Variants in GSDMC observed in about 807,000 individuals in gnomAD.
GSDMC encodes the protein gasdermin-C.
A neutral mutation model predicts 58.0 loss-of-function variants in GSDMC; 59 were observed. The observed-to-expected ratio is 1.02, with a 90% confidence interval of 0.82 to 1.26. The LOEUF is 1.26. GSDMC is among the 50% of genes most tolerant of loss of function. GSDMC has a pLI of 0.00. For synonymous variants in GSDMC, 241 were observed against 220.2 expected, an observed-to-expected ratio of 1.09 and a Z score of -0.83; for missense variants, 659 against 598.5, an observed-to-expected ratio of 1.10 and a Z score of -1.06.
chr8:129,756,106 A>G (rs7821985), intron 6 of GSDMC, among the ~76,000 whole-genome samples: 98,358 of 150,156 alleles, frequency 0.66, 34,236 homozygotes, highest in African/African-American at 0.9. Flanking sequence ...TTACCTACAA[A>G]AAACACACTT....
At chr8:129,751,738 C>G in intron 9 of GSDMC, 124 bp downstream of exon 9, 1 of 1,177,916 alleles carries the variant, frequency 8.5e-7, no homozygotes, top group Non-Finnish European at 1.3e-6. Context: ...CTTCCCATTC[C>G]ACATGACCAA....
chr8:129,748,699 G>A lies in GSDMC; in HGVS notation c.1329C>T (p.Ser443=). ...ILEPNFRYPW[S]IPFTLKPELL... is the part of the protein sequence containing the mutation. Reference sequence around the variant, plus strand: ...GCTCAGGTTTGAGGGTGAAGGGAATGCTCCAGGGGTATCTGAAGTTTGGCT... The same window carrying A: ...GCTCAGGTTTGAGGGTGAAGGGAATACTCCAGGGGTATCTGAAGTTTGGCT... Residue 443 remains serine, a synonymous_variant, in exon 14 of 14, where the codon AGC becomes AGT. Coordinates refer to ENST00000276708, the MANE Select transcript of GSDMC (RefSeq NM_031415.3). 6.4e-7 allele frequency: 1 copy of A among 1,563,252 alleles called. No individual in the cohort carries two copies. Among genetic ancestry groups the A allele is most frequent in the Non-Finnish European group, 8.6e-7 (1 of 1,156,842 alleles).
At chr8:129,747,829 C>G (rs903545591), downstream of GSDMC, among the ~76,000 whole-genome samples, 1 of 151,970 alleles carries the variant, frequency 6.6e-6, no homozygotes. Flanking sequence ...AAGGTGGACT[C>G]CCAGGTTTCA....
intron 3 of GSDMC, among the ~76,000 whole-genome samples, chr8:129,773,967 T>C (rs1279229917): frequency 6.6e-6 from 1 of 152,088 alleles, no homozygotes; most frequent in Non-Finnish European, 1.5e-5. Flanking sequence ...GAATTAATAT[T>C]ATTAAAATGT....
At chr8:129,757,261 T>C (rs185532713) in intron 6 of GSDMC, among the ~76,000 whole-genome samples, 29 of 152,026 alleles carry the variant, frequency 1.9e-4, no homozygotes, top group African/African-American at 7.0e-4. Context: ...CATTAGTGGC[T>C]ACTATGAACA....
intron 1 of GSDMC, among the ~76,000 whole-genome samples, chr8:129,783,542 A>C (rs147825658): frequency 1.3e-5 from 2 of 152,082 alleles, no homozygotes; most frequent in African/African-American, 4.8e-5. Context: ...CTGAAGAAGT[A>C]AAAAATCTCT....
intron 4 of GSDMC, among the ~76,000 whole-genome samples, 154 bp downstream of exon 4, chr8:129,765,474 C>A (rs2033821517): frequency 6.6e-6 from 1 of 152,134 alleles, no homozygotes; most frequent in African/African-American, 2.4e-5. Flanking sequence ...GATCAGAAGT[C>A]AGGATACATC....
At chr8:129,751,189 C>G (rs1015587461) in intron 10 of GSDMC, among the ~76,000 whole-genome samples, 1 of 152,070 alleles carries the variant, frequency 6.6e-6, no homozygotes, top group Non-Finnish European at 1.5e-5. Flanking sequence ...GCAATTTTGC[C>G]AGTATCCTCA....
intron 1 of GSDMC, among the ~76,000 whole-genome samples, chr8:129,779,134 A>T (rs1440128506): frequency 6.6e-6 from 1 of 152,250 alleles, no homozygotes; most frequent in African/African-American, 2.4e-5. Flanking sequence ...AACAGATATC[A>T]TTTTATAATA....
At chr8:129,766,099 A>AG in intron 3 of GSDMC, among the ~76,000 whole-genome samples, 1 of 152,290 alleles carries the variant, frequency 6.6e-6, no homozygotes, top group Non-Finnish European at 1.5e-5. Flanking sequence ...AGGGTCTCTC[A>AG]GAAAAAAAAG....
At chr8:129,765,482 A>G in intron 4 of GSDMC, 146 bp downstream of exon 4, 1 of 689,282 alleles carries the variant, frequency 1.5e-6, no homozygotes, top group Non-Finnish European at 2.6e-6. Context: ...GTCAGGATAC[A>G]TCAACATGTA....
the GSDMC span, among the ~76,000 whole-genome samples, chr8:129,713,574 C>T: frequency 1.3e-5 from 2 of 152,144 alleles, no homozygotes; most frequent in Non-Finnish European, 2.9e-5. Context: ...CACCCAAGGC[C>T]ATTAAATACC....
At chr8:129,727,157 A>G in the GSDMC span, among the ~76,000 whole-genome samples, 2 of 152,228 alleles carry the variant, frequency 1.3e-5, no homozygotes, top group African/African-American at 4.8e-5. Flanking sequence ...TTAGCTAAAA[A>G]GAAGTCATGC....
chr8:129,738,762 A>G, the GSDMC span, among the ~76,000 whole-genome samples: 1 of 152,142 alleles, frequency 6.6e-6, no homozygotes, highest in Non-Finnish European at 1.5e-5. Context: ...TATGTAACAA[A>G]CCTGCACGTT....
chr8:129,772,696 AAAG>A (rs1292440867), intron 3 of GSDMC, among the ~76,000 whole-genome samples: 1 of 152,232 alleles, frequency 6.6e-6, no homozygotes, highest in African/African-American at 2.4e-5. Context: ...CTAAACATTT[AAAG>A]AAGGTTAATA....
At position 129,774,278 on chromosome 8, in the gene GSDMC, G is replaced by A. The variant is rs188378790; in HGVS notation, c.404+1824C>T. ...TATGATCAACTAATATCTGACAAGC[G>A]TGACAAGAAAAGACAGTGAGATAAA... On this transcript the variant is annotated intron_variant, in intron 3 of 13. Coordinates refer to ENST00000276708, the MANE Select transcript of GSDMC (RefSeq NM_031415.3). Among the ~76,000 whole-genome samples, 340 of 152,198 alleles carry A rather than the reference G, an allele frequency of 2.2e-3. 1 individual carries two copies. Among genetic ancestry groups the A allele is most frequent in the African/African-American group, 7.3e-3 (305 of 41,552 alleles).
rs115142760 is a variant in GSDMC at position 129,777,400 on chromosome 8, T to A, written c.188A>T (p.Asn63Ile). 1.2e-6 allele frequency: 2 copies of A among 1,613,344 alleles called. No individual in the cohort carries two copies. The highest frequency in any genetic ancestry group is 1.7e-5 in the Admixed American group (1 of 60,024). The part of the protein sequence containing the change: ...SDYVPVEFSL[N>I]DILEPSSSVL... ...TGAAGAACTTGGCTCCAGGATGTCATTGAGGGAGAATTCAACTGGAACATA... is the reference window on the plus strand; with the variant it reads ...TGAAGAACTTGGCTCCAGGATGTCAATGAGGGAGAATTCAACTGGAACATA... Residue 63 changes from asparagine to isoleucine, a missense_variant, in exon 2 of 14, where the codon AAT (asparagine) becomes ATT (isoleucine). Transcript: ENST00000276708.
the GSDMC span, among the ~76,000 whole-genome samples, chr8:129,720,664 T>A: frequency 6.6e-6 from 1 of 152,244 alleles, no homozygotes; most frequent in Non-Finnish European, 1.5e-5. Flanking sequence ...TTTGCAATAG[T>A]AATGTCAGCT....
chr8:129,774,820 A>G (rs938676549), intron 3 of GSDMC, among the ~76,000 whole-genome samples: 3 of 152,244 alleles, frequency 2.0e-5, no homozygotes, highest in South Asian at 2.1e-4. Context: ...TAACAGGCAC[A>G]TGAAATTGTG....
Sources: allele counts gnomAD v4.1 joint callset (sites outside exome capture counted in the v4.1 genomes callset), GRCh38; gene constraint gnomAD v4.1.1; transcripts MANE v1.5; gene names NCBI Gene and HGNC (gene_info 2026-07-23, HGNC 2026-07-21).